EVI5: variants seen among roughly 807,000 people sequenced by gnomAD.
EVI5 encodes the protein ecotropic viral integration site 5.
In EVI5, 73 loss-of-function variants were observed where a neutral mutation model predicts 112.0. The observed-to-expected ratio is 0.65, with a 90% CI of 0.54 to 0.79. EVI5 has a LOEUF of 0.79. EVI5 is among the 30% of genes least tolerant of loss of function. The pLI, the probability that EVI5 is intolerant of heterozygous loss-of-function variation, is 0.00. For missense variants in EVI5, 900 were observed against 968.8 expected (o/e 0.93, Z 0.94); for synonymous variants, 305 against 319.9 (o/e 0.95, Z 0.50).
chr1:92,551,016 C>A (rs1408544319), intron 19 of EVI5, among the ~76,000 whole-genome samples: 3 of 121,452 alleles, frequency 2.5e-5, no homozygotes, highest in Non-Finnish European at 5.2e-5. Context: ...GCACTAATTT[C>A]TTTTTTCTTT....
chr1:92,768,449 A>G (rs1001891826), intron 1 of EVI5, among the ~76,000 whole-genome samples: 2 of 152,224 alleles, frequency 1.3e-5, no homozygotes, highest in Non-Finnish European at 2.9e-5. Context: ...ATAGGCAAGT[A>G]GGTATTCTGT....
intron 1 of EVI5, among the ~76,000 whole-genome samples, chr1:92,739,105 T>G (rs1677926702): frequency 6.6e-6 from 1 of 151,448 alleles, no homozygotes; most frequent in Non-Finnish European, 1.5e-5. Flanking sequence ...AAACCCCGTG[T>G]CTACTAAAAA....
chr1:92,777,664 A>G (rs1266069623), intron 1 of EVI5, among the ~76,000 whole-genome samples: 2 of 152,206 alleles, frequency 1.3e-5, no homozygotes, highest in Non-Finnish European at 2.9e-5. Context: ...AGGTGGCAAC[A>G]AGTTTCTGTA....
chr1:92,532,521 C>G (rs1663047872), intron 19 of EVI5, among the ~76,000 whole-genome samples: 1 of 152,114 alleles, frequency 6.6e-6, no homozygotes, highest in Non-Finnish European at 1.5e-5. Context: ...CTAAAATTGA[C>G]CACATAGTTG....
chr1:92,561,626 T>C (rs1668622626), intron 19 of EVI5, among the ~76,000 whole-genome samples: 1 of 144,672 alleles, frequency 6.9e-6, no homozygotes. Context: ...TCTATCTATC[T>C]ATCTATCTAT....
intron 10 of EVI5, among the ~76,000 whole-genome samples, chr1:92,668,251 T>C (rs1372123410): frequency 6.6e-6 from 1 of 152,210 alleles, no homozygotes; most frequent in Non-Finnish European, 1.5e-5. Flanking sequence ...ATAGACATTA[T>C]GATATACAGG....
chr1:92,706,608 A>G (rs1310451765), intron 2 of EVI5, among the ~76,000 whole-genome samples: 1 of 152,254 alleles, frequency 6.6e-6, no homozygotes, highest in African/African-American at 2.4e-5. Flanking sequence ...TAGAGAGTCA[A>G]AAAGTCTTGG....
chr1:92,723,140 G>C (rs928858812), intron 2 of EVI5, among the ~76,000 whole-genome samples: 1 of 152,098 alleles, frequency 6.6e-6, no homozygotes, highest in African/African-American at 2.4e-5. Flanking sequence ...CTGAGGACAG[G>C]TCTATTTAAA....
intron 14 of EVI5, among the ~76,000 whole-genome samples, chr1:92,631,088 T>C (rs1288959478): frequency 1.3e-5 from 2 of 152,186 alleles, no homozygotes; most frequent in East Asian, 3.8e-4. Flanking sequence ...TGTAGCCTTG[T>C]AGTATAGTTT....
chr1:92,787,719 G>C (rs1221131126), upstream of EVI5, among the ~76,000 whole-genome samples: 6 of 150,542 alleles, frequency 4.0e-5, no homozygotes, highest in South Asian at 1.3e-3. Context: ...CAGCCTGGGC[G>C]ACAGAGAAAG....
At chr1:92,775,974 G>C (rs1224453259) in intron 1 of EVI5, among the ~76,000 whole-genome samples, 1 of 152,068 alleles carries the variant, frequency 6.6e-6, no homozygotes, top group Non-Finnish European at 1.5e-5. Flanking sequence ...CAGGCGTGGT[G>C]GTGGGCGCCT....
rs1275435370 is a variant in EVI5, at chr1:92,509,947, T to C, written c.*3709A>G. 6.6e-6 allele frequency: 1 copy of C among 152,194 alleles called. No homozygotes were observed. Among genetic ancestry groups the C allele is most frequent in the East Asian group, 1.9e-4 (1 of 5,194 alleles). The allele number at this position is 152,194 out of a possible 1,614,324, so 9.4% of individuals were successfully genotyped here. A position where few individuals can be genotyped will look rare whatever the true frequency, so the allele number is the denominator to read the frequency against. Reference sequence around the variant, plus strand: ...ATTAAATAAAATTCATCGAGAACATTGTTCAATGCTTCAAAGTCTTGAACA... The same window carrying C: ...ATTAAATAAAATTCATCGAGAACATCGTTCAATGCTTCAAAGTCTTGAACA... On this transcript the variant is annotated 3_prime_UTR_variant, in exon 20 of 20. Coordinates refer to ENST00000684568, the MANE Select transcript of EVI5 (RefSeq NM_001350197.2).
intron 2 of EVI5, among the ~76,000 whole-genome samples, chr1:92,718,884 A>C (rs1674251159): frequency 6.6e-6 from 1 of 152,188 alleles, no homozygotes; most frequent in Non-Finnish European, 1.5e-5. Flanking sequence ...ATCCCACAGA[A>C]ATACAAACTA....
chr1:92,591,594 G>A (rs961719055), intron 18 of EVI5, among the ~76,000 whole-genome samples: 5 of 152,064 alleles, frequency 3.3e-5, no homozygotes, highest in Admixed American at 6.5e-5. Context: ...CAATACAGGC[G>A]CACCCAGATT....
chr1:92,647,543 A>G, intron 13 of EVI5: 1 of 533,784 alleles, frequency 1.9e-6, no homozygotes, highest in Non-Finnish European at 3.5e-6. Context: ...AAATTGACAG[A>G]GACCTCTGGG....
chr1:92,546,314 A>G (rs1665690552), intron 19 of EVI5, among the ~76,000 whole-genome samples: 1 of 152,224 alleles, frequency 6.6e-6, no homozygotes, highest in African/African-American at 2.4e-5. Flanking sequence ...ACTGAAGTCC[A>G]CTGTTATAAA....
At chr1:92,735,106 T>C (rs192371262) in intron 2 of EVI5, among the ~76,000 whole-genome samples, 1 of 152,278 alleles carries the variant, frequency 6.6e-6, no homozygotes, top group African/African-American at 2.4e-5. Flanking sequence ...AGTCATTCCA[T>C]TCCAAGAGAA....
intron 19 of EVI5, among the ~76,000 whole-genome samples, chr1:92,531,306 G>A (rs538695751): frequency 7.9e-5 from 12 of 152,224 alleles, no homozygotes; most frequent in Admixed American, 6.5e-4. Context: ...CCAAATCTAC[G>A]TTTGACTGGT....
intron 1 of EVI5, chr1:92,756,546 A>G (rs1680977336): frequency 3.8e-6 from 2 of 523,302 alleles, no homozygotes; most frequent in East Asian, 5.4e-5. Flanking sequence ...CTGAACAGCT[A>G]TTGACTGCTC....
Sources: gnomAD v4.1 joint callset for allele counts (sites outside exome capture counted in the v4.1 genomes callset) on GRCh38, gnomAD v4.1.1 for gene constraint, MANE v1.5 for transcripts, NCBI Gene and HGNC (gene_info 2026-07-23, HGNC 2026-07-21) for gene names.